Variants in USH2A observed in about 807,000 individuals in gnomAD.
USH2A encodes the protein usherin.
USH2A carries 443 observed loss-of-function variants against 538.9 expected under a neutral mutation model. The observed-to-expected ratio is 0.82, with a 90% confidence interval of 0.76 to 0.89. The LOEUF is 0.89. USH2A is among the 40% of genes least tolerant of loss of function. USH2A has a pLI of 0.00. For synonymous variants in USH2A, 2,413 were observed against 2,273.5 expected (o/e 1.06, Z -1.75); for missense variants, 6,633 against 6,324.8 (o/e 1.05, Z -1.65).
rs550863775 is a variant in USH2A at position 216,150,709 on chromosome 1, C to G, written c.4627+24543G>C. ...CCTCCTTCGCACTTATTTAAAAAAC[C>G]TTTCTCCTTATATTAACTCTACTCC... On this transcript the variant is annotated intron_variant, in intron 21 of 71. Transcript: ENST00000307340. Among the ~76,000 whole-genome samples the G allele has an allele frequency of 6.2e-3, 949 of 152,152 alleles. 5 individuals carry two copies. The highest frequency in any genetic ancestry group is 8.2e-3 in the Non-Finnish European group (561 of 68,010).
intron 21 of USH2A, among the ~76,000 whole-genome samples, chr1:216,142,534 G>A (rs2033621751): frequency 6.6e-6 from 1 of 152,094 alleles, no homozygotes; most frequent in Non-Finnish European, 1.5e-5. Context: ...TATGCACTTA[G>A]CAGTTTTGTC....
chr1:216,133,903 T>C (rs761411983), intron 21 of USH2A, among the ~76,000 whole-genome samples: 7 of 152,146 alleles, frequency 4.6e-5, no homozygotes, highest in Non-Finnish European at 8.8e-5. Flanking sequence ...TTCTTTTTTC[T>C]TATCCCTTTC....
chr1:215,851,720 G>C (rs1054657403), intron 44 of USH2A, among the ~76,000 whole-genome samples: 2 of 151,864 alleles, frequency 1.3e-5, no homozygotes, highest in Non-Finnish European at 2.9e-5. Flanking sequence ...ACCAAAAACA[G>C]GAAAGGACAT....
intron 21 of USH2A, 100 bp downstream of exon 21, chr1:216,175,152 A>G: frequency 6.4e-7 from 1 of 1,558,578 alleles, no homozygotes; most frequent in Non-Finnish European, 8.7e-7. Context: ...GTATTTCTCT[A>G]AGTAGGTATA....
intron 3 of USH2A, among the ~76,000 whole-genome samples, chr1:216,404,538 A>G (rs2039359608): frequency 1.3e-5 from 2 of 152,066 alleles, no homozygotes; most frequent in African/African-American, 2.4e-5. Context: ...AGCCTTTTCA[A>G]CTAAGGGCTA....
chr1:216,343,921 T>C (rs2038126415), intron 4 of USH2A, among the ~76,000 whole-genome samples: 1 of 152,084 alleles, frequency 6.6e-6, no homozygotes, highest in Non-Finnish European at 1.5e-5. Context: ...TTATTATCAT[T>C]GTTAAGATTT....
chr1:215,686,141 A>G lies in USH2A; in HGVS notation c.12067-5765T>C, dbSNP rs532224695. 9.9e-5 allele frequency among the ~76,000 whole-genome samples: 15 copies of G among 152,136 alleles called. 1 individual carries two copies. The South Asian group carries it at 3.1e-3, about 32-fold the overall frequency. ...TTTTTGAGCATCTTTTATGCAAAAG[A>G]CTCTATAAAATTGCAATGGAAGATA... On this transcript the variant is annotated intron_variant, in intron 61 of 71. Coordinates refer to ENST00000307340, the MANE Select transcript of USH2A (RefSeq NM_206933.4).
At chr1:215,754,351 T>G (rs954367595) in intron 58 of USH2A, among the ~76,000 whole-genome samples, 4 of 152,182 alleles carry the variant, frequency 2.6e-5, no homozygotes, top group Non-Finnish European at 4.4e-5. Context: ...CTTATAAACA[T>G]GTACTAAGGC....
intron 40 of USH2A, among the ~76,000 whole-genome samples, chr1:215,893,414 TC>T (rs1304856494): frequency 6.6e-6 from 1 of 152,004 alleles, no homozygotes; most frequent in Non-Finnish European, 1.5e-5. Flanking sequence ...TTGAATGATC[TC>T]ACATAGTCCA....
intron 9 of USH2A, among the ~76,000 whole-genome samples, chr1:216,320,038 A>C (rs17026553): frequency 0.24 from 35,890 of 152,014 alleles, 4,250 homozygotes; most frequent in Middle Eastern, 0.35. Flanking sequence ...GCCCATATTT[A>C]TGTAACAAAA....
chr1:216,089,112 T>A lies in USH2A; in HGVS notation c.4786A>T (p.Asn1596Tyr), dbSNP rs753964746. 1 of 1,613,226 alleles carries A rather than the reference T, an allele frequency of 6.2e-7. No homozygotes were observed. The highest frequency in any genetic ancestry group is 1.7e-5 in the Admixed American group (1 of 59,986). The change falls in exon 23 of 72, where the codon AAT becomes TAT. Residue 1596 changes from asparagine to tyrosine, a missense_variant. Asn to Tyr is a moderately radical substitution (Grantham distance 143). Coordinates refer to ENST00000307340, the MANE Select transcript of USH2A (RefSeq NM_206933.4). ...QGSPVEVTTT[N>Y]DHGKQYSDGK... ...TCACTATATTGTTTGCCATGATCAT[T>A]AGTTGTAGTTACTTCCACTGGTGAC...
At chr1:216,134,264 G>A (rs2033435948) in intron 21 of USH2A, among the ~76,000 whole-genome samples, 1 of 151,966 alleles carries the variant, frequency 6.6e-6, no homozygotes, top group South Asian at 2.1e-4. Context: ...TTTTTAAAAT[G>A]AAGGGAAATT....
intron 30 of USH2A, among the ~76,000 whole-genome samples, chr1:216,055,932 T>C (rs1020883085): frequency 2.6e-5 from 4 of 152,226 alleles, no homozygotes; most frequent in African/African-American, 9.6e-5. Context: ...GTAGAGAGCA[T>C]AGAATATCAT....
chr1:216,072,597 T>G (rs991773095), intron 29 of USH2A: 5 of 435,270 alleles, frequency 1.1e-5, no homozygotes, highest in Non-Finnish European at 2.1e-5. Context: ...CTTAGACATG[T>G]TAGGTAGGTG....
At chr1:215,932,886 C>T (rs1365984202) in intron 38 of USH2A, among the ~76,000 whole-genome samples, 1 of 151,938 alleles carries the variant, frequency 6.6e-6, no homozygotes, top group Non-Finnish European at 1.5e-5. Flanking sequence ...ATAATATTAA[C>T]CCTTTTACTG....
chr1:215,850,904 T>G (rs12121022), intron 44 of USH2A, among the ~76,000 whole-genome samples: 18,975 of 152,090 alleles, frequency 0.12, 1,251 homozygotes, highest in East Asian at 0.19. Flanking sequence ...CTCAAAATGA[T>G]GCCAATACAT....
At chr1:216,286,728 T>C (rs1395844080) in intron 11 of USH2A, among the ~76,000 whole-genome samples, 6 of 151,538 alleles carry the variant, frequency 4.0e-5, no homozygotes, top group Non-Finnish European at 7.4e-5. Flanking sequence ...TGTCTCTAAA[T>C]AAATAAATAA....
At chr1:216,048,702 G>A (rs1009843566) in intron 30 of USH2A, 55 bp from the exon 31 acceptor site, 12 of 1,414,814 alleles carry the variant, frequency 8.5e-6, no homozygotes, top group Middle Eastern at 1.8e-4. Context: ...CATCAATAAA[G>A]AGCATTGTGT....
chr1:216,313,822 T>C (rs561947731), intron 9 of USH2A, among the ~76,000 whole-genome samples: 3 of 152,330 alleles, frequency 2.0e-5, no homozygotes, highest in South Asian at 2.1e-4. Context: ...GCCTTCTCTC[T>C]GCATTTCAAA....
Sources: allele counts gnomAD v4.1 joint callset (sites outside exome capture counted in the v4.1 genomes callset), GRCh38; gene constraint gnomAD v4.1.1; transcripts MANE v1.5; gene names NCBI Gene and HGNC (gene_info 2026-07-23, HGNC 2026-07-21).